CREBL2: variants seen among roughly 807,000 people sequenced by gnomAD.
The protein encoded by CREBL2 is cAMP responsive element binding protein like 2.
Under a neutral mutation model 19.5 loss-of-function variants are expected in CREBL2, and 4 were observed. That is an observed-to-expected ratio of 0.20 (90% CI 0.10 to 0.47). The LOEUF (loss-of-function observed/expected upper bound fraction) is 0.47, where lower values mean the gene tolerates loss of function less well. Ranked by LOEUF, CREBL2 falls within the 20% of genes least tolerant of loss-of-function variation. CREBL2 has a pLI of 0.98. For missense variants in CREBL2, 85 were observed against 145.1 expected (o/e 0.59, Z 2.13); for synonymous variants, 42 against 46.6 (o/e 0.90, Z 0.40).
intron 1 of CREBL2, among the ~76,000 whole-genome samples, chr12:12,628,255 C>G (rs1945418012): frequency 6.6e-6 from 1 of 152,124 alleles, no homozygotes; most frequent in Non-Finnish European, 1.5e-5. Context: ...TCACATTTCC[C>G]TGATGACTAA....
At chr12:12,612,223 T>A in intron 1 of CREBL2, 36 bp downstream of exon 1, 5 of 1,613,374 alleles carry the variant, frequency 3.1e-6, no homozygotes, top group Non-Finnish European at 4.2e-6. Flanking sequence ...GCCGCCTTCT[T>A]GTCGCTCAAT....
At chr12:12,626,783 TC>T (rs376270748) in intron 1 of CREBL2, among the ~76,000 whole-genome samples, 7 of 151,434 alleles carry the variant, frequency 4.6e-5, no homozygotes, top group African/African-American at 1.5e-4. Context: ...TACCTGTAGT[TC>T]CAGCTACTTG....
At chr12:12,639,895 A>G (rs548078726) in intron 3 of CREBL2, among the ~76,000 whole-genome samples, 2 of 152,326 alleles carry the variant, frequency 1.3e-5, no homozygotes, top group African/African-American at 4.8e-5. Flanking sequence ...GAGTAGGCAC[A>G]AAGATCACAT....
chr12:12,616,443 A>G (rs1302159706), intron 1 of CREBL2, among the ~76,000 whole-genome samples: 3 of 152,234 alleles, frequency 2.0e-5, no homozygotes, highest in African/African-American at 7.2e-5. Context: ...TGTTTTTATA[A>G]GTACTTAGAA....
At chr12:12,617,901 T>A (rs890665964) in intron 1 of CREBL2, among the ~76,000 whole-genome samples, 2 of 151,528 alleles carry the variant, frequency 1.3e-5, no homozygotes, top group African/African-American at 4.9e-5. Context: ...CAAGCATCTG[T>A]TTAACAAAGC....
chr12:12,629,938 A>G (rs2136303925), intron 1 of CREBL2, among the ~76,000 whole-genome samples: 1 of 152,300 alleles, frequency 6.6e-6, no homozygotes, highest in East Asian at 1.9e-4. Flanking sequence ...TGTCAAACCA[A>G]CATTTATTCT....
intron 1 of CREBL2, chr12:12,615,436 A>T (rs1945303453): frequency 6.7e-6 from 1 of 149,790 alleles, no homozygotes; most frequent in Admixed American, 6.7e-5. Context: ...ACCTCAGGTG[A>T]TCTGTGTAAG....
At chr12:12,641,939 A>T in intron 3 of CREBL2, 55 bp from the exon 4 acceptor site, 1 of 1,340,076 alleles carries the variant, frequency 7.5e-7, no homozygotes. Flanking sequence ...AAACAGATTA[A>T]TCAAACTTTA....
chr12:12,611,954 G>A lies in CREBL2; in HGVS notation c.-219G>A, dbSNP rs1945269751. On this transcript the variant is annotated 5_prime_UTR_variant, in exon 1 of 4. Coordinates refer to ENST00000228865, the MANE Select transcript of CREBL2 (RefSeq NM_001310.4). ...GGGAGGAGGAGGCGGCGGCGGCGAA[G>A]GGAGGCGTTTGGGGCCGCCTCCAGG... 4 of 587,330 alleles carry A rather than the reference G, an allele frequency of 6.8e-6. No homozygotes were observed. Among genetic ancestry groups the A allele is most frequent in the Non-Finnish European group, 1.2e-5 (4 of 334,772 alleles). The allele number at this position is 587,330 out of a possible 1,614,324, so 36.4% of individuals were successfully genotyped here. A position where few individuals can be genotyped will look rare whatever the true frequency, so the allele number is the denominator to read the frequency against.
rs554988326 is a variant in CREBL2 at position 12,619,963 on chromosome 12, T to C, written c.15+7776T>C. Among the ~76,000 whole-genome samples, 17 of 152,354 alleles carry C rather than the reference T, an allele frequency of 1.1e-4. 1 individual carries two copies. In the East Asian group the frequency reaches 3.3e-3, roughly 29 times the overall value. On this transcript the variant is annotated intron_variant, in intron 1 of 3. Coordinates refer to ENST00000228865, the MANE Select transcript of CREBL2 (RefSeq NM_001310.4). ...CCTCTGCCAAAGTCTTCTGATTCTT[T>C]CCAGTTCTGAGTAGTTCTGGTTCTC...
intron 3 of CREBL2, among the ~76,000 whole-genome samples, chr12:12,638,312 C>A (rs1945491366): frequency 6.6e-6 from 1 of 152,092 alleles, no homozygotes; most frequent in African/African-American, 2.4e-5. Context: ...TGGTGTGCGC[C>A]TGTAATCCCA....
intron 1 of CREBL2, among the ~76,000 whole-genome samples, chr12:12,623,265 G>A (rs570243939): frequency 6.6e-6 from 1 of 151,758 alleles, no homozygotes; most frequent in Non-Finnish European, 1.5e-5. Context: ...GATACTATGG[G>A]GTTGCAAAAG....
Position 12,623,197 on chromosome 12 carries a change from A to G in CREBL2, c.15+11010A>G, listed in dbSNP as rs74061719. On this transcript the variant is annotated intron_variant, in intron 1 of 3. Transcript: ENST00000228865. ...AAAATATTGCTGATTTTTCTTTTTC[A>G]TTTCATTAAATTATCAATCTTTTAA... Among the ~76,000 whole-genome samples the G allele has an allele frequency of 7.1e-3, 1,038 of 145,624 alleles. 16 individuals are homozygous for G. The highest frequency in any genetic ancestry group is 0.025 in the African/African-American group (971 of 39,252).
At chr12:12,639,563 T>G (rs1182638708) in intron 3 of CREBL2, among the ~76,000 whole-genome samples, 5 of 152,236 alleles carry the variant, frequency 3.3e-5, no homozygotes, top group Non-Finnish European at 5.9e-5. Flanking sequence ...GAACATATTT[T>G]CTATGCTTGT....
rs1425815517 is a variant in CREBL2 at position 12,644,171 on chromosome 12, A to AATTTATTTG, written c.*2175_*2183dup. 1.3e-5 allele frequency: 2 copies of AATTTATTTG among 152,438 alleles called. No individual in the cohort carries two copies. The highest frequency in any genetic ancestry group is 4.8e-5 in the African/African-American group (2 of 41,452). The allele number at this position is 152,438 out of a possible 1,614,324, so 9.4% of individuals were successfully genotyped here. ...ATAATTTTGGGCGAAGTTAAATTAC[A>AATTTATTTG]ATTTATTTGAGGTTATTCCTAAACC... On this transcript the variant is annotated 3_prime_UTR_variant, in exon 4 of 4. Transcript: ENST00000228865.
Position 12,642,088 on chromosome 12 carries a change from T to C in CREBL2, c.*90T>C. On this transcript the variant is annotated 3_prime_UTR_variant, in exon 4 of 4. Coordinates refer to ENST00000228865, the MANE Select transcript of CREBL2 (RefSeq NM_001310.4). ...CAAGAGTGTACTTCTTGGCTCCATTTACTACCTACTGCTCAGTAGTCATCT... is the reference window on the plus strand; with the variant it reads ...CAAGAGTGTACTTCTTGGCTCCATTCACTACCTACTGCTCAGTAGTCATCT... The C allele has an allele frequency of 2.1e-6, 2 of 937,950 alleles. No homozygotes were observed. The highest frequency in any genetic ancestry group is 1.6e-6 in the Non-Finnish European group (1 of 606,532). 58.1% of individuals were successfully genotyped at this position (937,950 alleles called of 1,614,324 possible).
chr12:12,627,838 C>T (rs1312449775), intron 1 of CREBL2, among the ~76,000 whole-genome samples: 1 of 152,190 alleles, frequency 6.6e-6, no homozygotes, highest in African/African-American at 2.4e-5. Flanking sequence ...ATTCCCACAG[C>T]AATGTATGAG....
chr12:12,643,513 A>G lies in CREBL2; in HGVS notation c.*1515A>G, dbSNP rs1566118585. On this transcript the variant is annotated 3_prime_UTR_variant, in exon 4 of 4. Transcript: ENST00000228865. ...TTTAAGAGGAGATACCGTAGTCTAG[A>G]TTGTCTTTGAGGTAGAATATATGAT... The G allele has an allele frequency of 6.6e-6, 1 of 152,488 alleles. No homozygotes were observed. Among genetic ancestry groups the G allele is most frequent in the Non-Finnish European group, 1.5e-5 (1 of 68,024 alleles). 9.4% of individuals were successfully genotyped at this position (152,488 alleles called of 1,614,324 possible). A position where few individuals can be genotyped will look rare whatever the true frequency, so the allele number is the denominator to read the frequency against.
chr12:12,612,957 C>T (rs1437555606), intron 1 of CREBL2, among the ~76,000 whole-genome samples: 1 of 152,152 alleles, frequency 6.6e-6, no homozygotes, highest in East Asian at 1.9e-4. Context: ...CCACAACCTC[C>T]GCCTCCCGGG....
Sources: gnomAD v4.1 joint callset for allele counts (sites outside exome capture counted in the v4.1 genomes callset) on GRCh38, gnomAD v4.1.1 for gene constraint, MANE v1.5 for transcripts, NCBI Gene and HGNC (gene_info 2026-07-23, HGNC 2026-07-21) for gene names.